Variants in LINGO2 observed in about 807,000 individuals in gnomAD.
LINGO2 encodes the protein leucine rich repeat and Ig domain containing 2.
A neutral mutation model predicts 30.6 loss-of-function variants in LINGO2; 14 were observed. That is an observed-to-expected ratio of 0.46 (90% CI 0.30 to 0.72). LINGO2 has a LOEUF of 0.72. Among genes scored for constraint, LINGO2 ranks in the 30% least tolerant of loss-of-function variants. The probability of loss-of-function intolerance (pLI) is 0.07; values close to 1 mark genes in which losing one functional copy is unlikely to be tolerated. For missense variants in LINGO2, 729 were observed against 751.7 expected (o/e 0.97, Z 0.35); for synonymous variants, 317 against 288.5 (o/e 1.10, Z -1.00).
chr9:28,014,810 C>A (rs956707432), intron 4 of LINGO2, among the ~76,000 whole-genome samples: 1 of 151,974 alleles, frequency 6.6e-6, no homozygotes, highest in Admixed American at 6.6e-5. Flanking sequence ...ATATGTTAGT[C>A]CTCATAGAAC....
At chr9:28,523,170 A>T (rs1253008431) in intron 1 of LINGO2, among the ~76,000 whole-genome samples, 1 of 152,124 alleles carries the variant, frequency 6.6e-6, no homozygotes, top group Non-Finnish European at 1.5e-5. Context: ...ATCCTAAAAT[A>T]AATGAACACA....
rs1827348056 is a variant in LINGO2, at chr9:28,130,336, T to A, written c.-86-117931A>T. Among the ~76,000 whole-genome samples the A allele has an allele frequency of 6.6e-6, 1 of 152,172 alleles. No individual in the cohort carries two copies. Among genetic ancestry groups the A allele is most frequent in the South Asian group, 2.1e-4 (1 of 4,830 alleles). On this transcript the variant is annotated intron_variant, in intron 4 of 5. Coordinates refer to ENST00000379992, the Ensembl canonical transcript of LINGO2. This position sits in a 1 kb window ranked among gnomAD's most constrained non-coding sequence, Gnocchi z 5.2. ...GCCACTGATAAGTCTTATATTCAAC[T>A]CTCCCTCTAGCTATGAGACTGTAGA...
chr9:29,108,668 T>C, the LINGO2 span, among the ~76,000 whole-genome samples: 4 of 152,282 alleles, frequency 2.6e-5, 1 homozygote, highest in Middle Eastern at 0.01. Context: ...AGGTGGCATT[T>C]AGAGGTATGC....
chr9:29,047,137 ACCTATGCATCC>A, the LINGO2 span, among the ~76,000 whole-genome samples: 9 of 152,052 alleles, frequency 5.9e-5, no homozygotes, highest in African/African-American at 2.2e-4. Context: ...AATATTAGCA[ACCTATGCATCC>A]CCTATGCATC....
At chr9:27,988,335 C>A (rs1327251625) in intron 5 of LINGO2, among the ~76,000 whole-genome samples, 1 of 151,976 alleles carries the variant, frequency 6.6e-6, no homozygotes, top group African/African-American at 2.4e-5. Context: ...TTTATAGCAG[C>A]ATGATTTATA....
chr9:28,002,756 G>A (rs1356499647), intron 5 of LINGO2, among the ~76,000 whole-genome samples: 1 of 151,294 alleles, frequency 6.6e-6, no homozygotes, highest in Non-Finnish European at 1.5e-5. Flanking sequence ...CCTAGCTAGG[G>A]CCACTGTCTG....
intron 3 of LINGO2, among the ~76,000 whole-genome samples, chr9:28,323,344 A>G (rs1297882945): frequency 1.3e-5 from 2 of 152,178 alleles, no homozygotes; most frequent in Admixed American, 6.5e-5. Context: ...TCACGCCTGT[A>G]ATCCCAACAC....
the LINGO2 span, among the ~76,000 whole-genome samples, chr9:29,101,516 ACCC>A: frequency 1.3e-5 from 2 of 152,064 alleles, no homozygotes; most frequent in African/African-American, 2.4e-5. Context: ...CCATCCCCCT[ACCC>A]AGTTAAAATG....
At chr9:28,079,749 T>C (rs1305829513) in intron 4 of LINGO2, among the ~76,000 whole-genome samples, 1 of 152,182 alleles carries the variant, frequency 6.6e-6, no homozygotes, top group Non-Finnish European at 1.5e-5. Context: ...GCCATCTGCA[T>C]GGTGGAAACT....
intron 1 of LINGO2, among the ~76,000 whole-genome samples, chr9:28,477,970 A>C (rs1825793492): frequency 6.6e-6 from 1 of 152,114 alleles, no homozygotes. Flanking sequence ...TCAGCAACTA[A>C]GGACTTTGGG....
intron 4 of LINGO2, among the ~76,000 whole-genome samples, chr9:28,214,867 T>C (rs914782911): frequency 5.9e-5 from 9 of 151,686 alleles, no homozygotes; most frequent in Non-Finnish European, 1.3e-4. Flanking sequence ...TCAATCTTTC[T>C]ATAAAATGTA....
At chr9:29,143,354 A>G in the LINGO2 span, among the ~76,000 whole-genome samples, 7 of 152,150 alleles carry the variant, frequency 4.6e-5, no homozygotes, top group Non-Finnish European at 8.8e-5. Context: ...ATTCCAAATA[A>G]CAAAAACAAT....
chr9:28,445,295 T>A (rs1311241753), intron 2 of LINGO2, among the ~76,000 whole-genome samples: 1 of 152,230 alleles, frequency 6.6e-6, no homozygotes, highest in Admixed American at 6.5e-5. Context: ...ATAGTTGCCA[T>A]GTTCCTCACA....
At chr9:28,159,243 C>T (rs941209464) in intron 4 of LINGO2, among the ~76,000 whole-genome samples, 6 of 151,910 alleles carry the variant, frequency 3.9e-5, no homozygotes, top group Non-Finnish European at 5.9e-5. Flanking sequence ...TACTATTTTC[C>T]GCAAGTATCA....
intron 5 of LINGO2, among the ~76,000 whole-genome samples, chr9:27,993,122 T>C (rs907091076): frequency 1.3e-5 from 2 of 152,174 alleles, no homozygotes; most frequent in African/African-American, 2.4e-5. Flanking sequence ...CTAACATTTA[T>C]CTAATTTTCT....
chr9:29,000,680 G>A, the LINGO2 span, among the ~76,000 whole-genome samples: 7 of 151,806 alleles, frequency 4.6e-5, no homozygotes, highest in African/African-American at 1.7e-4. Context: ...TTCCTCTGAA[G>A]TACATGTCAC....
chr9:28,112,073 C>T (rs1240582230), intron 4 of LINGO2, among the ~76,000 whole-genome samples: 2 of 102,580 alleles, frequency 1.9e-5, no homozygotes, highest in African/African-American at 3.8e-5. Flanking sequence ...CCCGACCCCA[C>T]CACAGTCCCC....
chr9:28,631,882 A>C (rs1826959852), intron 1 of LINGO2, among the ~76,000 whole-genome samples: 1 of 152,190 alleles, frequency 6.6e-6, no homozygotes, highest in Non-Finnish European at 1.5e-5. Flanking sequence ...GAATTAATCC[A>C]TCCAACAAAT....
chr9:28,658,692 G>A (rs958529902), intron 1 of LINGO2, among the ~76,000 whole-genome samples: 1 of 151,986 alleles, frequency 6.6e-6, no homozygotes, highest in Non-Finnish European at 1.5e-5. Context: ...ACTAATATAT[G>A]TCTTTTGATG....
Sources: allele counts gnomAD v4.1 joint callset (sites outside exome capture counted in the v4.1 genomes callset), GRCh38; gene constraint gnomAD v4.1.1; non-coding constraint Gnocchi (gnomAD v3.1); transcripts MANE v1.5; gene names NCBI Gene and HGNC (gene_info 2026-07-23, HGNC 2026-07-21).